The following VPS13D variants were observed in gnomAD, a reference collection of about 807,000 sequenced individuals.
VPS13D encodes the protein vacuolar protein sorting 13 homolog D.
In VPS13D, 187 loss-of-function variants were observed where a neutral mutation model predicts 461.9. The observed-to-expected ratio is 0.40, with a 90% CI of 0.36 to 0.46. The LOEUF is 0.46. Among genes scored for constraint, VPS13D ranks in the 20% least tolerant of loss-of-function variants. The probability of loss-of-function intolerance (pLI) is 0.60; values close to 1 mark genes in which losing one functional copy is unlikely to be tolerated. For missense variants in VPS13D, 4,711 were observed against 5,364.9 expected, an observed-to-expected ratio of 0.88 and a Z score of 3.81; for synonymous variants, 1,951 against 1,986.3, an observed-to-expected ratio of 0.98 and a Z score of 0.47.
chr1:12,452,748 A>G (rs1645278534), intron 65 of VPS13D, among the ~76,000 whole-genome samples: 1 of 152,232 alleles, frequency 6.6e-6, no homozygotes, highest in Non-Finnish European at 1.5e-5. Flanking sequence ...CGTCTTTCCC[A>G]GTAAAATCTG....
intron 7 of VPS13D, among the ~76,000 whole-genome samples, chr1:12,255,987 G>C (rs1187928068): frequency 6.6e-6 from 1 of 151,608 alleles, no homozygotes; most frequent in Non-Finnish European, 1.5e-5. Flanking sequence ...TTTGGATTTT[G>C]ATATAATACA....
At chr1:12,265,734 A>G (rs1349457296) in intron 13 of VPS13D, among the ~76,000 whole-genome samples, 1 of 152,244 alleles carries the variant, frequency 6.6e-6, no homozygotes, top group Non-Finnish European at 1.5e-5. Flanking sequence ...GAACCTGAAG[A>G]TGTGACTGAA....
intron 6 of VPS13D, among the ~76,000 whole-genome samples, chr1:12,252,809 C>T (rs1012711497): frequency 1.1e-4 from 17 of 150,168 alleles, no homozygotes; most frequent in African/African-American, 3.4e-4. Flanking sequence ...AATATTCCCC[C>T]TCCCCCTAAA....
rs543838134 is a variant in VPS13D at position 12,283,485 on chromosome 1, A to C, written c.5383A>C (p.Lys1795Gln). The C allele has an allele frequency of 6.2e-7, 1 of 1,614,244 alleles. No individual in the cohort carries two copies. Among genetic ancestry groups the C allele is most frequent in the Non-Finnish European group, 8.5e-7 (1 of 1,180,028 alleles). The change falls in exon 21 of 70, where the codon AAA becomes CAA. Residue 1795 changes from lysine (K) to glutamine (Q), a missense_variant. By Grantham distance (53) the Lys-to-Gln change is moderately conservative. Coordinates refer to ENST00000620676, the MANE Select transcript of VPS13D (RefSeq NM_015378.4). The stretch of plus-strand genomic sequence containing the variant: ...CATCAACATATTCTTGGTAGATAAG[A>C]AACATCCAGAATTCTCTTCCAGTTA... ...VHINIFLVDK[K>Q]HPEFSSSYNR...
At chr1:12,500,175 G>A in intron 68 of VPS13D, 1 of 984,542 alleles carries the variant, frequency 1.0e-6, no homozygotes, top group Non-Finnish European at 1.2e-6. Context: ...ATTTAATTTT[G>A]TCATTCTATT....
At chr1:12,408,275 CTT>C (rs916296546) in intron 63 of VPS13D, among the ~76,000 whole-genome samples, 3 of 152,114 alleles carry the variant, frequency 2.0e-5, no homozygotes, top group African/African-American at 7.2e-5. Flanking sequence ...AGCCATATGA[CTT>C]TAGGCCATCC....
intron 20 of VPS13D, among the ~76,000 whole-genome samples, chr1:12,280,113 A>G (rs1292666744): frequency 6.6e-6 from 1 of 152,210 alleles, no homozygotes; most frequent in Non-Finnish European, 1.5e-5. Context: ...TTTTATGGGC[A>G]TGCATGTATG....
intron 24 of VPS13D, among the ~76,000 whole-genome samples, chr1:12,298,051 A>T (rs1642323607): frequency 6.6e-6 from 1 of 152,196 alleles, no homozygotes; most frequent in South Asian, 2.1e-4. Context: ...AAAAAGACTG[A>T]AAAGATATGG....
At position 12,283,395 on chromosome 1, in the gene VPS13D, T is replaced by C. The variant is rs748469777; in HGVS notation, c.5293T>C (p.Ser1765Pro). 1.1e-5 allele frequency: 18 copies of C among 1,613,974 alleles called. No homozygotes were observed. Among genetic ancestry groups the C allele is most frequent in the African/African-American group, 5.3e-5 (4 of 74,874 alleles). The change falls in exon 21 of 70, where the codon TCT becomes CCT. Residue 1765 changes from serine to proline, a missense_variant. Coordinates refer to ENST00000620676, the MANE Select transcript of VPS13D (RefSeq NM_015378.4). The part of the protein sequence containing the change: ...DKDYPLTPPP[S>P]PTVDEPKILV... ...GGACTATCCCTTGACCCCACCTCCTTCTCCAACAGTGGATGAGCCCAAGAT... is the reference window on the plus strand; with the variant it reads ...GGACTATCCCTTGACCCCACCTCCTCCTCCAACAGTGGATGAGCCCAAGAT...
intron 67 of VPS13D, among the ~76,000 whole-genome samples, chr1:12,488,403 C>T (rs1645830207): frequency 1.3e-5 from 2 of 152,108 alleles, no homozygotes; most frequent in African/African-American, 4.8e-5. Context: ...TTCAGTGTCA[C>T]CCAGCTAATA....
chr1:12,340,433 A>G (rs964317389), intron 40 of VPS13D, among the ~76,000 whole-genome samples: 1 of 152,180 alleles, frequency 6.6e-6, no homozygotes, highest in Admixed American at 6.5e-5. Context: ...TGCATTGTTT[A>G]CAGTACTAAC....
chr1:12,437,497 G>C (rs910947079), intron 65 of VPS13D, among the ~76,000 whole-genome samples: 1 of 152,124 alleles, frequency 6.6e-6, no homozygotes, highest in Non-Finnish European at 1.5e-5. Context: ...CCATTCAACT[G>C]TTCCACCATT....
intron 49 of VPS13D, among the ~76,000 whole-genome samples, chr1:12,356,800 G>C (rs1242444213): frequency 6.6e-6 from 1 of 152,210 alleles, no homozygotes; most frequent in Non-Finnish European, 1.5e-5. Context: ...CCAACGAAGA[G>C]AAAGCCACGA....
chr1:12,312,108 A>C (rs1642768232), intron 29 of VPS13D, among the ~76,000 whole-genome samples, 183 bp downstream of exon 29: 1 of 152,240 alleles, frequency 6.6e-6, no homozygotes, highest in Non-Finnish European at 1.5e-5. Context: ...CTATCAGTCA[A>C]CATAGGTTAG....
Position 12,282,668 on chromosome 1 carries a change from T to C in VPS13D, c.4603-37T>C, listed in dbSNP as rs752711399. On this transcript the variant is annotated intron_variant, in intron 20 of 69. Coordinates refer to ENST00000620676, the MANE Select transcript of VPS13D (RefSeq NM_015378.4). ...GGGCATTACATCTACGTGCATTTAA[T>C]AATAAGAGTAACTGAATTTTTCTCT... The C allele has an allele frequency of 3.2e-5, 49 of 1,554,538 alleles. 1 individual carries two copies. In the East Asian group the frequency reaches 1.1e-3, roughly 35 times the overall value.
Position 12,409,271 on chromosome 1 carries a change from C to T in VPS13D, c.12030+5298C>T, listed in dbSNP as rs1465379745. Among the ~76,000 whole-genome samples, 6 of 152,036 alleles carry T rather than the reference C, an allele frequency of 3.9e-5. No homozygotes were observed. The East Asian group carries it at 1.2e-3, about 29-fold the overall frequency. On this transcript the variant is annotated intron_variant, in intron 63 of 69. Coordinates refer to ENST00000620676, the MANE Select transcript of VPS13D (RefSeq NM_015378.4). ...AGTCTTGAATCTGAATTTTGAGTCA[C>T]AAAAAAGTTTTCCCTTCTCTATGGT...
chr1:12,253,630 A>T, intron 6 of VPS13D, 92 bp from the exon 7 acceptor site: 1 of 1,011,658 alleles, frequency 9.9e-7, no homozygotes, highest in Non-Finnish European at 1.5e-6. Flanking sequence ...AAAGTACCTG[A>T]CACATGATTC....
At chr1:12,311,296 C>A (rs1372920384) in intron 27 of VPS13D, among the ~76,000 whole-genome samples, 158 bp from the exon 28 acceptor site, 2 of 152,096 alleles carry the variant, frequency 1.3e-5, no homozygotes, top group Non-Finnish European at 2.9e-5. Flanking sequence ...TATTAACTTG[C>A]TTCATTTGGA....
At position 12,432,558 on chromosome 1, in the gene VPS13D, C is replaced by T. The variant is rs774967092; in HGVS notation, c.12333+15731C>T. Among the ~76,000 whole-genome samples the T allele has an allele frequency of 4.6e-5, 7 of 151,654 alleles. No individual in the cohort carries two copies. In the East Asian group the frequency reaches 9.6e-4, roughly 21 times the overall value. ...GAAGAACTTGTGATGGCTTTGTCTT[C>T]GTTATGAGAACACTTTGATCTGAAC... On this transcript the variant is annotated intron_variant, in intron 65 of 69. Transcript: ENST00000620676.
Sources: allele counts gnomAD v4.1 joint callset (sites outside exome capture counted in the v4.1 genomes callset), GRCh38; gene constraint gnomAD v4.1.1; transcripts MANE v1.5; gene names NCBI Gene and HGNC (gene_info 2026-07-23, HGNC 2026-07-21).